The following ETNK2 variants were observed in gnomAD, a reference collection of about 807,000 sequenced individuals.
ETNK2 encodes the protein ethanolamine kinase 2.
A neutral mutation model predicts 46.2 loss-of-function variants in ETNK2; 33 were observed. That is an observed-to-expected ratio of 0.71 (90% CI 0.54 to 0.96). The LOEUF (loss-of-function observed/expected upper bound fraction) is 0.96, where lower values mean the gene tolerates loss of function less well. Among genes scored for constraint, ETNK2 ranks in the 40% least tolerant of loss-of-function variants. ETNK2 has a pLI of 0.00. For synonymous variants in ETNK2, 194 were observed against 209.0 expected (o/e 0.93, Z 0.62); for missense variants, 445 against 509.7 (o/e 0.87, Z 1.22).
At chr1:204,145,904 G>A (rs1161257767) in intron 3 of ETNK2, among the ~76,000 whole-genome samples, 1 of 152,194 alleles carries the variant, frequency 6.6e-6, no homozygotes, top group Admixed American at 6.5e-5. Context: ...CACTCAGGGT[G>A]TGTTGGGGAG....
chr1:204,137,328 A>G, intron 5 of ETNK2, 79 bp from the exon 6 acceptor site: 3 of 1,506,950 alleles, frequency 2.0e-6, no homozygotes, highest in Non-Finnish European at 1.8e-6. Context: ...AGGTGTTCCC[A>G]TCTCCCCTCA....
intron 3 of ETNK2, 91 bp from the exon 4 acceptor site, chr1:204,141,548 C>T (rs1657540654): frequency 7.1e-7 from 1 of 1,415,094 alleles, no homozygotes; most frequent in Non-Finnish European, 9.6e-7. Flanking sequence ...CTCATCACTC[C>T]CTCTGTCTTA....
At chr1:204,133,995 G>A (rs2102279220) in intron 7 of ETNK2, among the ~76,000 whole-genome samples, 1 of 152,312 alleles carries the variant, frequency 6.6e-6, no homozygotes, top group Admixed American at 6.5e-5. Flanking sequence ...AGCCTCACAG[G>A]ACAGGGACTC....
rs751557066 is a variant in ETNK2, at chr1:204,132,214, A to G, written c.1131T>C (p.Pro377=). ...TTGGCATCTCCAAGGCTGACGCTTG[A>G]GGCTTCACCTTGAAGTACTGGTTGA... ...IRFNQYFKVK[P]QASALEMPK Residue 377 remains proline (P), a synonymous_variant, in exon 8 of 8, where the codon CCT becomes CCC. Coordinates refer to ENST00000367202, the MANE Select transcript of ETNK2 (RefSeq NM_018208.4). 7.6e-6 allele frequency: 12 copies of G among 1,574,414 alleles called. No individual in the cohort carries two copies. The highest frequency in any genetic ancestry group is 1.0e-5 in the Non-Finnish European group (12 of 1,159,656).
chr1:204,137,141 A>G lies in ETNK2; in HGVS notation c.977T>C (p.Val326Ala). The G allele has an allele frequency of 6.2e-7, 1 of 1,613,710 alleles. No homozygotes were observed. The highest frequency in any genetic ancestry group is 8.5e-7 in the Non-Finnish European group (1 of 1,179,786). The part of the protein sequence containing the change: ...QKGMAVTPRE[V>A]QRLYVQVNKF... ...GTTGACTTGCACGTAGAGCCTTTGCACCTCCCTGGGGGTCACGGCCATCCC... is the reference window on the plus strand; with the variant it reads ...GTTGACTTGCACGTAGAGCCTTTGCGCCTCCCTGGGGGTCACGGCCATCCC... Residue 326 changes from valine to alanine, a missense_variant, in exon 6 of 8, where the codon GTG (valine) becomes GCG (alanine). Physicochemically the swap from Val to Ala is moderately conservative, Grantham distance 64. Coordinates refer to ENST00000367202, the MANE Select transcript of ETNK2 (RefSeq NM_018208.4).
chr1:204,151,776 G>A lies in ETNK2; in HGVS notation c.77C>T (p.Ser26Leu). The A allele has an allele frequency of 2.6e-6, 4 of 1,512,540 alleles. No homozygotes were observed. Among genetic ancestry groups the A allele is most frequent in the Non-Finnish European group, 2.6e-6 (3 of 1,132,938 alleles). The allele number at this position is 1,512,540 out of a possible 1,614,324, so 93.7% of individuals were successfully genotyped here. A position where few individuals can be genotyped will look rare whatever the true frequency, so the allele number is the denominator to read the frequency against. The change falls in exon 1 of 8, where the codon TCA (serine) becomes TTA (leucine). Residue 26 changes from serine (S) to leucine (L), a missense_variant. By Grantham distance (145) the Ser-to-Leu change is moderately radical. Coordinates refer to ENST00000367202, the MANE Select transcript of ETNK2 (RefSeq NM_018208.4). This position sits in a 1 kb window ranked among gnomAD's most constrained non-coding sequence, Gnocchi z 8.0. ...CGCCGCCTTCTCCTCCATGCCCCAT[G>A]AGCACTGCGGGCAAGGCGTGTGCCT... ...LRRHTPCPQC[S>L]WGMEEKAAAS...
At chr1:204,139,519 G>A (rs965991624) in intron 5 of ETNK2, among the ~76,000 whole-genome samples, 6 of 152,210 alleles carry the variant, frequency 3.9e-5, no homozygotes, top group Non-Finnish European at 7.3e-5. Flanking sequence ...AGCAGGCTGT[G>A]CCTTAACCCC....
chr1:204,150,071 C>T, intron 1 of ETNK2, 109 bp from the exon 2 acceptor site: 1 of 1,227,458 alleles, frequency 8.1e-7, no homozygotes, highest in Non-Finnish European at 1.1e-6. Context: ...GAATGCCGAG[C>T]ACAACCACCC....
In ETNK2 at chr1:204,148,799, C is replaced by G. The variant is rs145855818; in HGVS notation, c.518+904G>C. Among the ~76,000 whole-genome samples, 44 of 152,284 alleles carry G rather than the reference C, an allele frequency of 2.9e-4. 1 individual carries two copies. The East Asian group carries it at 8.5e-3, about 29-fold the overall frequency. On this transcript the variant is annotated intron_variant, in intron 2 of 7. Coordinates refer to ENST00000367202, the MANE Select transcript of ETNK2 (RefSeq NM_018208.4). ...GCTTCTTGCTCTACCCCCAGGTGGG[C>G]TTGTTTCCCCTCAGTATGCAAGCCC...
intron 4 of ETNK2, chr1:204,141,058 T>C (rs1273577942): frequency 1.8e-6 from 1 of 544,634 alleles, no homozygotes. Flanking sequence ...ATTCCTGGGC[T>C]TAAGCAATCC....
chr1:204,134,244 G>C (rs1473995429), intron 7 of ETNK2, among the ~76,000 whole-genome samples: 1 of 152,264 alleles, frequency 6.6e-6, no homozygotes, highest in Non-Finnish European at 1.5e-5. Flanking sequence ...TGGAAGCAGG[G>C]TGGGGAGTGG....
chr1:204,145,334 T>C lies in ETNK2; in HGVS notation c.641+1308A>G, dbSNP rs112966141. On this transcript the variant is annotated intron_variant, in intron 3 of 7. Coordinates refer to ENST00000367202, the MANE Select transcript of ETNK2 (RefSeq NM_018208.4). Reference sequence around the variant, plus strand: ...CAAAGGAAGCTGCAGTATCAAGGATTATGTCTGAGCACCAGAAGCCTGGCT... The same window carrying C: ...CAAAGGAAGCTGCAGTATCAAGGATCATGTCTGAGCACCAGAAGCCTGGCT... Among the ~76,000 whole-genome samples, 62 of 152,358 alleles carry C rather than the reference T, an allele frequency of 4.1e-4. 1 individual carries two copies. Among genetic ancestry groups the C allele is most frequent in the African/African-American group, 1.4e-3 (59 of 41,586 alleles).
intron 1 of ETNK2, 146 bp from the exon 2 acceptor site, chr1:204,150,108 A>T (rs775259969): frequency 1.2e-6 from 1 of 861,094 alleles, no homozygotes; most frequent in African/African-American, 1.7e-5. Context: ...TAGCCCAGTC[A>T]CTCATGCTCC....
At chr1:204,149,558 G>T in intron 2 of ETNK2, 145 bp downstream of exon 2, 1 of 1,003,150 alleles carries the variant, frequency 1.0e-6, no homozygotes, top group Non-Finnish European at 1.4e-6. Flanking sequence ...TCTCTGCAGA[G>T]CAATGCATAT....
intron 5 of ETNK2, among the ~76,000 whole-genome samples, chr1:204,138,349 C>T (rs1657367574): frequency 6.6e-6 from 1 of 152,200 alleles, no homozygotes; most frequent in Non-Finnish European, 1.5e-5. Context: ...AACTTGAGAG[C>T]AGGCTGCAAT....
At chr1:204,132,754 TA>T (rs1364204474) in intron 7 of ETNK2, among the ~76,000 whole-genome samples, 1 of 152,020 alleles carries the variant, frequency 6.6e-6, no homozygotes, top group Non-Finnish European at 1.5e-5. Flanking sequence ...TAACTTCAAC[TA>T]CATTTTTTTT....
chr1:204,150,371 C>A (rs1359603110), intron 1 of ETNK2: 2 of 245,186 alleles, frequency 8.2e-6, no homozygotes, highest in Non-Finnish European at 1.6e-5. Context: ...TATGTCCTGA[C>A]CAGCTGCCAA....
At chr1:204,150,145 C>T (rs1306824185) in intron 1 of ETNK2, among the ~76,000 whole-genome samples, 183 bp from the exon 2 acceptor site, 2 of 152,152 alleles carry the variant, frequency 1.3e-5, no homozygotes, top group Non-Finnish European at 2.9e-5. Context: ...TGGGAGTCTC[C>T]AGTCTCTATA....
chr1:204,132,101 G>T lies in ETNK2; in HGVS notation c.*83C>A. 3 of 1,113,958 alleles carry T rather than the reference G, an allele frequency of 2.7e-6. No individual in the cohort carries two copies. The highest frequency in any genetic ancestry group is 1.3e-5 in the South Asian group (1 of 75,224). The allele number at this position is 1,113,958 out of a possible 1,614,324, so 69.0% of individuals were successfully genotyped here. A position where few individuals can be genotyped will look rare whatever the true frequency, so the allele number is the denominator to read the frequency against. ...TGTCCCCTCTCCCACCCTGTCCAAG[G>T]GTGTGGATCCCAGAGTGCAGAATTG... is the stretch of plus-strand genomic sequence containing the variant. On this transcript the variant is annotated 3_prime_UTR_variant, in exon 8 of 8. Coordinates refer to ENST00000367202, the MANE Select transcript of ETNK2 (RefSeq NM_018208.4).
Sources: allele counts gnomAD v4.1 joint callset (sites outside exome capture counted in the v4.1 genomes callset), GRCh38; gene constraint gnomAD v4.1.1; non-coding constraint Gnocchi (gnomAD v3.1); transcripts MANE v1.5; gene names NCBI Gene and HGNC (gene_info 2026-07-23, HGNC 2026-07-21).